The following ATG4C variants were observed in gnomAD, a reference collection of about 807,000 sequenced individuals.
ATG4C encodes cysteine protease ATG4C.
In ATG4C, 56 loss-of-function variants were observed where a neutral mutation model predicts 57.6. That is an observed-to-expected ratio of 0.97 (90% CI 0.78 to 1.21). ATG4C has a LOEUF of 1.21. ATG4C is among the 50% of genes most tolerant of loss of function. ATG4C has a pLI of 0.00. For synonymous variants in ATG4C, 157 were observed against 174.1 expected, an observed-to-expected ratio of 0.90 and a Z score of 0.78; for missense variants, 595 against 529.8, an observed-to-expected ratio of 1.12 and a Z score of -1.21.
intron 1 of ATG4C, among the ~76,000 whole-genome samples, chr1:62,789,667 AT>A (rs1269373397): frequency 2.7e-5 from 4 of 150,260 alleles, no homozygotes; most frequent in African/African-American, 9.8e-5. Context: ...AAAAAAACAA[AT>A]GAGCCGGGCG....
At chr1:62,831,191 G>A (rs752902460) in intron 7 of ATG4C, among the ~76,000 whole-genome samples, 2 of 152,144 alleles carry the variant, frequency 1.3e-5, no homozygotes, top group Non-Finnish European at 2.9e-5. Context: ...TGGCTGAAAT[G>A]GTTAAGTGGA....
At chr1:62,808,133 G>A (rs914430006) in intron 3 of ATG4C, among the ~76,000 whole-genome samples, 1 of 152,210 alleles carries the variant, frequency 6.6e-6, no homozygotes, top group African/African-American at 2.4e-5. Flanking sequence ...TGATGGTAAT[G>A]TAAAAGAATT....
At chr1:62,850,679 T>A (rs1042648279) in intron 10 of ATG4C, among the ~76,000 whole-genome samples, 1 of 151,804 alleles carries the variant, frequency 6.6e-6, no homozygotes, top group African/African-American at 2.4e-5. Context: ...TTCTCATGGT[T>A]CTCTCCCTTC....
intron 1 of ATG4C, among the ~76,000 whole-genome samples, chr1:62,795,686 G>A (rs1370878297): frequency 6.6e-6 from 1 of 152,034 alleles, no homozygotes; most frequent in Non-Finnish European, 1.5e-5. Context: ...TTTCTAAGCC[G>A]GGGATGGTGA....
intron 10 of ATG4C, among the ~76,000 whole-genome samples, chr1:62,846,912 C>T (rs1666341382): frequency 6.6e-6 from 1 of 152,138 alleles, no homozygotes; most frequent in Admixed American, 6.6e-5. Flanking sequence ...CACAGTGGCT[C>T]ACACCTGTAA....
At chr1:62,793,109 A>G (rs939298024) in intron 1 of ATG4C, among the ~76,000 whole-genome samples, 7 of 150,486 alleles carry the variant, frequency 4.7e-5, no homozygotes, top group Admixed American at 1.3e-4. Flanking sequence ...GATGGTCTCG[A>G]TCTCCTGACC....
intron 1 of ATG4C, among the ~76,000 whole-genome samples, chr1:62,798,965 A>G (rs572161258): frequency 6.6e-6 from 1 of 152,234 alleles, no homozygotes; most frequent in South Asian, 2.1e-4. Context: ...TTGAGACAGT[A>G]TCTTGTTCTG....
Position 62,819,237 on chromosome 1 carries a change from G to A in ATG4C, c.627G>A (p.Leu209=). 2 of 1,613,426 alleles carry A rather than the reference G, an allele frequency of 1.2e-6. No homozygotes were observed. The highest frequency in any genetic ancestry group is 1.7e-6 in the Non-Finnish European group (2 of 1,179,664). Residue 209 remains leucine, a synonymous_variant, in exon 5 of 11, where the codon TTG becomes TTA. Coordinates refer to ENST00000317868, the MANE Select transcript of ATG4C (RefSeq NM_032852.4). ...KIISWFGDSP[L]ALFGLHQLIE... ...TCTCTTGGTTTGGTGATTCCCCCTT[G>A]GCTCTTTTTGGCTTACATCAACTAA...
At chr1:62,794,786 G>A (rs1242795047) in intron 1 of ATG4C, among the ~76,000 whole-genome samples, 2 of 152,070 alleles carry the variant, frequency 1.3e-5, no homozygotes, top group Admixed American at 1.3e-4. Flanking sequence ...GGCAGGTATC[G>A]GTGAAGAGAA....
At chr1:62,793,780 ACT>A (rs1664371577) in intron 1 of ATG4C, among the ~76,000 whole-genome samples, 1 of 151,950 alleles carries the variant, frequency 6.6e-6, no homozygotes, top group Non-Finnish European at 1.5e-5. Context: ...AAATGATTTG[ACT>A]CTTTACCTCT....
intron 1 of ATG4C, among the ~76,000 whole-genome samples, chr1:62,792,144 C>G (rs1664296771): frequency 6.6e-6 from 1 of 151,976 alleles, no homozygotes; most frequent in Non-Finnish European, 1.5e-5. Context: ...TTACAGGCAC[C>G]CACCACCATG....
rs538454597 is a variant in ATG4C, at chr1:62,858,743, T to C, written c.1210-5249T>C. Among the ~76,000 whole-genome samples, 232 of 152,314 alleles carry C rather than the reference T, an allele frequency of 1.5e-3. 1 individual carries two copies. The highest frequency in any genetic ancestry group is 2.8e-3 in the Non-Finnish European group (191 of 68,008). The stretch of plus-strand genomic sequence containing the variant: ...ATAATAGGAACTAATAACAGGCCTT[T>C]TTATTTGAGGGCTAGAAGAAAGTAT... On this transcript the variant is annotated intron_variant, in intron 10 of 10. Coordinates refer to ENST00000317868, the MANE Select transcript of ATG4C (RefSeq NM_032852.4).
At chr1:62,813,196 G>A (rs1180323159) in intron 3 of ATG4C, among the ~76,000 whole-genome samples, 1 of 152,152 alleles carries the variant, frequency 6.6e-6, no homozygotes, top group Non-Finnish European at 1.5e-5. Flanking sequence ...AAAGCTGGAG[G>A]CATCACACTA....
intron 1 of ATG4C, among the ~76,000 whole-genome samples, chr1:62,803,339 T>C (rs1214359263): frequency 6.6e-6 from 1 of 152,214 alleles, no homozygotes; most frequent in Non-Finnish European, 1.5e-5. Context: ...AATCACCTTC[T>C]CTAATGACAG....
At chr1:62,824,587 C>T (rs1665585384) in intron 6 of ATG4C, among the ~76,000 whole-genome samples, 1 of 151,906 alleles carries the variant, frequency 6.6e-6, no homozygotes, top group African/African-American at 2.4e-5. Context: ...ACCAGATCCT[C>T]CTATTTTCTC....
intron 1 of ATG4C, among the ~76,000 whole-genome samples, chr1:62,799,987 A>C (rs1362230134): frequency 6.6e-6 from 1 of 151,874 alleles, no homozygotes; most frequent in Admixed American, 6.6e-5. Context: ...TTGTCACAGC[A>C]TCTTATCTTG....
chr1:62,819,328 A>T lies in ATG4C; in HGVS notation c.718A>T (p.Ile240Phe). The T allele has an allele frequency of 6.3e-7, 1 of 1,575,824 alleles. No homozygotes were observed. The highest frequency in any genetic ancestry group is 2.2e-5 in the East Asian group (1 of 44,586). Residue 240 changes from isoleucine (I) to phenylalanine (F), a missense_variant, in exon 5 of 11, where the codon ATT becomes TTT. By Grantham distance (21) the Ile-to-Phe change is conservative. Transcript: ENST00000317868. ...DWYGPAVVAH[I>F]LRKAVEEARH... is the part of the protein sequence containing the mutation. ...GTATGGACCAGCTGTGGTTGCTCAC[A>T]TTTTAAGGTAAAATTGTTTTAAAAT...
chr1:62,808,157 C>T (rs1426386214), intron 3 of ATG4C, among the ~76,000 whole-genome samples: 1 of 152,152 alleles, frequency 6.6e-6, no homozygotes, highest in Non-Finnish European at 1.5e-5. Context: ...AGTCAGTAGA[C>T]AGGACATGAT....
Position 62,784,651 on chromosome 1 carries a change from G to A in ATG4C, c.-69+378G>A, listed in dbSNP as rs1026754867. The stretch of plus-strand genomic sequence containing the variant: ...TCCTCGTTTAAAAAATAAAAAAAGG[G>A]AAATAATAATAATAACTGGATCCCC... On this transcript the variant is annotated intron_variant, in intron 1 of 10. Transcript: ENST00000317868. 2.6e-5 allele frequency among the ~76,000 whole-genome samples: 4 copies of A among 152,286 alleles called. 1 individual carries two copies. In the South Asian group the frequency reaches 8.3e-4, roughly 32 times the overall value.
Sources: gnomAD v4.1 joint callset for allele counts (sites outside exome capture counted in the v4.1 genomes callset) on GRCh38, gnomAD v4.1.1 for gene constraint, MANE v1.5 for transcripts, NCBI Gene and HGNC (gene_info 2026-07-23, HGNC 2026-07-21) for gene names.